Variants in ATF7IP observed in about 807,000 individuals in gnomAD.
The protein encoded by ATF7IP is activating transcription factor 7-interacting protein 1.
Under a neutral mutation model 106.4 loss-of-function variants are expected in ATF7IP, and 23 were observed. That is an observed-to-expected ratio of 0.22 (90% CI 0.16 to 0.31). The LOEUF is 0.31. Ranked by LOEUF, ATF7IP falls within the 10% of genes least tolerant of loss-of-function variation. The pLI, the probability that ATF7IP is intolerant of heterozygous loss-of-function variation, is 1.00. For missense variants in ATF7IP, 1,334 were observed against 1,524.3 expected, an observed-to-expected ratio of 0.88 and a Z score of 2.08; for synonymous variants, 542 against 539.0, an observed-to-expected ratio of 1.01 and a Z score of -0.08.
intron 8 of ATF7IP, 34 bp from the exon 9 acceptor site, chr12:14,460,461 C>T (rs968756703): frequency 6.5e-7 from 1 of 1,538,350 alleles, no homozygotes; most frequent in Non-Finnish European, 8.7e-7. Flanking sequence ...TTAATATAAC[C>T]ATTTAAACTG....
intron 11 of ATF7IP, among the ~76,000 whole-genome samples, chr12:14,476,931 A>C (rs1052471825): frequency 2.6e-5 from 4 of 152,198 alleles, no homozygotes; most frequent in African/African-American, 9.6e-5. Flanking sequence ...GTATGTTTGG[A>C]AAATGCTGAG....
intron 1 of ATF7IP, among the ~76,000 whole-genome samples, chr12:14,379,604 G>A (rs1449857070): frequency 6.6e-6 from 1 of 151,956 alleles, no homozygotes; most frequent in Admixed American, 6.6e-5. Flanking sequence ...TTGAGAAAGG[G>A]TGCATGGGAG....
chr12:14,378,234 A>G (rs2136405571), intron 1 of ATF7IP, among the ~76,000 whole-genome samples: 1 of 151,068 alleles, frequency 6.6e-6, no homozygotes, highest in Non-Finnish European at 1.5e-5. Context: ...AGTGGCTGGT[A>G]TTACAGGCAC....
At chr12:14,400,329 G>C (rs1473572173) in intron 1 of ATF7IP, among the ~76,000 whole-genome samples, 1 of 152,134 alleles carries the variant, frequency 6.6e-6, no homozygotes, top group African/African-American at 2.4e-5. Context: ...ACTGCTTACA[G>C]TATCTAAGTA....
chr12:14,381,373 C>G (rs1390239400), intron 1 of ATF7IP, among the ~76,000 whole-genome samples: 1 of 152,072 alleles, frequency 6.6e-6, no homozygotes, highest in Admixed American at 6.6e-5. Context: ...GCTGGGACTA[C>G]AGGTGCGCCA....
chr12:14,376,449 A>G (rs936390442), intron 1 of ATF7IP, among the ~76,000 whole-genome samples: 3 of 152,238 alleles, frequency 2.0e-5, no homozygotes, highest in African/African-American at 7.2e-5. Flanking sequence ...TGAGGTGTTG[A>G]TTTAAAATAC....
rs145332106 is a variant in ATF7IP at position 14,446,515 on chromosome 12, A to G, written c.1930-473A>G. Among the ~76,000 whole-genome samples the G allele has an allele frequency of 9.8e-4, 150 of 152,370 alleles. 1 individual carries two copies. Among genetic ancestry groups the G allele is most frequent in the Non-Finnish European group, 3.8e-4 (26 of 68,038 alleles). Reference sequence around the variant, plus strand: ...GTAATTTAATTTGTGAAAAAGTAATATATGAGCATTCATTTACACTTCTGT... The same window carrying G: ...GTAATTTAATTTGTGAAAAAGTAATGTATGAGCATTCATTTACACTTCTGT... On this transcript the variant is annotated intron_variant, in intron 5 of 14. Coordinates refer to ENST00000261168, the MANE Select transcript of ATF7IP (RefSeq NM_018179.5).
chr12:14,456,007 A>C (rs1943411426), intron 6 of ATF7IP, among the ~76,000 whole-genome samples: 1 of 152,210 alleles, frequency 6.6e-6, no homozygotes, highest in Non-Finnish European at 1.5e-5. Flanking sequence ...GGAAAGGCTG[A>C]AATAAGTTGT....
chr12:14,455,398 T>C (rs1175181410), intron 6 of ATF7IP, among the ~76,000 whole-genome samples: 1 of 152,176 alleles, frequency 6.6e-6, no homozygotes. Flanking sequence ...ACGTATCTAA[T>C]GCAATGTCAT....
chr12:14,441,980 C>G (rs1942734946), intron 5 of ATF7IP, among the ~76,000 whole-genome samples: 1 of 152,174 alleles, frequency 6.6e-6, no homozygotes, highest in South Asian at 2.1e-4. Flanking sequence ...ATCAGTTCCA[C>G]CAATCTCTAC....
intron 6 of ATF7IP, among the ~76,000 whole-genome samples, chr12:14,454,661 G>A (rs892142858): frequency 2.0e-5 from 3 of 152,046 alleles, no homozygotes; most frequent in African/African-American, 7.3e-5. Context: ...CTAATTTGTG[G>A]AAATCTCATG....
intron 1 of ATF7IP, among the ~76,000 whole-genome samples, chr12:14,402,154 G>T (rs1244228059): frequency 3.4e-5 from 4 of 116,846 alleles, no homozygotes; most frequent in African/African-American, 6.7e-5. Context: ...TTGAGATAGG[G>T]TCTCGTTCTG....
At chr12:14,450,290 T>A (rs945841936) in intron 6 of ATF7IP, among the ~76,000 whole-genome samples, 3 of 152,244 alleles carry the variant, frequency 2.0e-5, no homozygotes, top group African/African-American at 7.2e-5. Flanking sequence ...GAGTATGATG[T>A]TAACCATGGA....
Position 14,498,431 on chromosome 12 carries a change from A to T in ATF7IP, c.*358A>T, listed in dbSNP as rs1472354155. Reference sequence around the variant, plus strand: ...ACCTCTTAAAGTACGAAGTAAGTAGATCAAAGGATTTGAGATGTGTAACTG... The same window carrying T: ...ACCTCTTAAAGTACGAAGTAAGTAGTTCAAAGGATTTGAGATGTGTAACTG... On this transcript the variant is annotated 3_prime_UTR_variant, in exon 15 of 15. Transcript: ENST00000261168. 2 of 188,698 alleles carry T rather than the reference A, an allele frequency of 1.1e-5. No individual in the cohort carries two copies. Among genetic ancestry groups the T allele is most frequent in the African/African-American group, 4.7e-5 (2 of 42,750 alleles). The allele number at this position is 188,698 out of a possible 1,614,324, so 11.7% of individuals were successfully genotyped here. A position where few individuals can be genotyped will look rare whatever the true frequency, so the allele number is the denominator to read the frequency against.
chr12:14,493,132 T>A (rs906144207), intron 13 of ATF7IP, among the ~76,000 whole-genome samples: 3 of 152,188 alleles, frequency 2.0e-5, no homozygotes, highest in Non-Finnish European at 4.4e-5. Flanking sequence ...GAACCTTTTT[T>A]AACTCCCTGA....
chr12:14,490,803 A>G (rs1944791089), intron 13 of ATF7IP, among the ~76,000 whole-genome samples: 1 of 152,056 alleles, frequency 6.6e-6, no homozygotes, highest in Non-Finnish European at 1.5e-5. Context: ...CTCGAACCCA[A>G]TCACATATAT....
chr12:14,456,147 G>T (rs1943416185), intron 6 of ATF7IP, among the ~76,000 whole-genome samples: 1 of 152,078 alleles, frequency 6.6e-6, no homozygotes, highest in Non-Finnish European at 1.5e-5. Flanking sequence ...TTGTTGAATT[G>T]GTGGTGCTAA....
chr12:14,385,869 GA>G lies in ATF7IP; in HGVS notation c.-8+20050del, dbSNP rs555480285. 9.0e-3 allele frequency among the ~76,000 whole-genome samples: 1,358 copies of G among 151,726 alleles called. 12 individuals carry two copies. The highest frequency in any genetic ancestry group is 0.026 in the African/African-American group (1,084 of 41,424). ...AAAGAAGGGTAATTATATAAATCAT[GA>G]AAAAAAATTTTTAATACTGTCCAAA... On this transcript the variant is annotated intron_variant, in intron 1 of 14. Transcript: ENST00000261168.
intron 5 of ATF7IP, among the ~76,000 whole-genome samples, chr12:14,441,539 G>A (rs1463186287): frequency 6.8e-6 from 1 of 146,776 alleles, no homozygotes; most frequent in Admixed American, 6.8e-5. Context: ...TCCCAGGCTG[G>A]AGTGCAATGG....
Sources: allele counts gnomAD v4.1 joint callset (sites outside exome capture counted in the v4.1 genomes callset), GRCh38; gene constraint gnomAD v4.1.1; transcripts MANE v1.5; gene names NCBI Gene and HGNC (gene_info 2026-07-23, HGNC 2026-07-21).